MACROD2: variants seen among roughly 807,000 people sequenced by gnomAD.
MACROD2 encodes mono-ADP ribosylhydrolase 2, also known as ADP-ribose glycohydrolase MACROD2.
MACROD2 carries 36 observed loss-of-function variants against 70.4 expected under a neutral mutation model. The ratio of observed to expected loss-of-function variants is 0.51; its 90% confidence interval spans 0.39 to 0.68. The LOEUF is 0.68. MACROD2 is among the 30% of genes least tolerant of loss of function. The probability of loss-of-function intolerance (pLI) is 0.00; values close to 1 mark genes in which losing one functional copy is unlikely to be tolerated. For synonymous variants in MACROD2, 172 were observed against 178.8 expected (o/e 0.96, Z 0.30); for missense variants, 496 against 538.4 (o/e 0.92, Z 0.78).
chr20:15,681,415 C>T (rs923071471), intron 8 of MACROD2, among the ~76,000 whole-genome samples: 2 of 152,216 alleles, frequency 1.3e-5, no homozygotes, highest in Non-Finnish European at 2.9e-5. Context: ...CACCCCCATC[C>T]TGCTGAAGTC....
chr20:15,317,299 T>C (rs2077821581), intron 6 of MACROD2, among the ~76,000 whole-genome samples: 1 of 152,052 alleles, frequency 6.6e-6, no homozygotes, highest in Non-Finnish European at 1.5e-5. Context: ...AATGGTGATA[T>C]TTCTATAGAC....
chr20:14,466,564 C>G (rs1228946796), intron 3 of MACROD2, among the ~76,000 whole-genome samples: 1 of 152,226 alleles, frequency 6.6e-6, no homozygotes, highest in East Asian at 1.9e-4. Flanking sequence ...CAGCTTTGTT[C>G]CATTGCTGGT....
intron 17 of MACROD2, among the ~76,000 whole-genome samples, chr20:16,048,522 T>C (rs778292373): frequency 6.6e-6 from 1 of 152,162 alleles, no homozygotes; most frequent in Non-Finnish European, 1.5e-5. Context: ...GGCTGTGTAT[T>C]TGATTGATAC....
intron 15 of MACROD2, among the ~76,000 whole-genome samples, chr20:15,999,673 A>C (rs948399760): frequency 6.6e-6 from 1 of 152,242 alleles, no homozygotes; most frequent in Non-Finnish European, 1.5e-5. Context: ...GGATAAATAC[A>C]TACAATTGTA....
chr20:14,979,494 G>T (rs1178211408), intron 5 of MACROD2, among the ~76,000 whole-genome samples: 1 of 152,130 alleles, frequency 6.6e-6, no homozygotes, highest in Non-Finnish European at 1.5e-5. Flanking sequence ...ATTCTCTCAA[G>T]ATGAACAATA....
intron 3 of MACROD2, among the ~76,000 whole-genome samples, chr20:14,134,404 C>T (rs1474093155): frequency 3.9e-5 from 6 of 152,202 alleles, no homozygotes; most frequent in African/African-American, 1.4e-4. Context: ...TATTATTTCA[C>T]TGAGAGATAT....
rs537312197 is a variant in MACROD2, at chr20:14,684,893, C to T, written c.352C>T (p.Arg118Cys). Residue 118 changes from arginine (R) to cysteine (C), a missense_variant, in exon 5 of 18, where the codon CGT (arginine) becomes TGT (cysteine). Physicochemically the swap from Arg to Cys is radical, Grantham distance 180 (BLOSUM62 -3). Coordinates refer to ENST00000684519, the MANE Select transcript of MACROD2 (RefSeq NM_001351661.2). ...AAGPCLLAEC[R>C]NLNGCDTGHA... is the part of the protein sequence containing the mutation. ...CGGCCCCTGTTTGCTAGCTGAATGT[C>T]GTAACCTGAATGGCTGTGATACTGG... is the stretch of plus-strand genomic sequence containing the variant. 43 of 1,613,970 alleles carry T rather than the reference C, an allele frequency of 2.7e-5. No individual in the cohort carries two copies. The East Asian group carries it at 6.0e-4, about 23-fold the overall frequency.
chr20:14,474,887 C>T (rs888975120), intron 3 of MACROD2, among the ~76,000 whole-genome samples: 1 of 152,054 alleles, frequency 6.6e-6, no homozygotes, highest in African/African-American at 2.4e-5. Context: ...TTCTTGTAGG[C>T]AGCATGTATT....
chr20:15,617,367 G>C (rs2049053813), intron 8 of MACROD2, among the ~76,000 whole-genome samples: 1 of 152,146 alleles, frequency 6.6e-6, no homozygotes, highest in Non-Finnish European at 1.5e-5. Flanking sequence ...GATAGCCAAG[G>C]AGGATTTATA....
chr20:15,568,727 A>G (rs966518778), intron 8 of MACROD2, among the ~76,000 whole-genome samples: 2 of 152,184 alleles, frequency 1.3e-5, no homozygotes, highest in African/African-American at 4.8e-5. Flanking sequence ...GTGCTCCTAC[A>G]ATGATGTTTT....
intron 8 of MACROD2, among the ~76,000 whole-genome samples, chr20:15,576,305 A>G (rs918987764): frequency 4.0e-5 from 6 of 151,382 alleles, no homozygotes; most frequent in East Asian, 1.9e-4. Context: ...AGTTCTGGCA[A>G]CTCCTGATGG....
chr20:14,174,883 C>T (rs1404096880), intron 3 of MACROD2, among the ~76,000 whole-genome samples: 1 of 152,174 alleles, frequency 6.6e-6, no homozygotes, highest in Non-Finnish European at 1.5e-5. Flanking sequence ...CGTTGTATTT[C>T]ACTCAGTTCT....
chr20:14,702,569 ATATATGTG>A (rs1370740045), intron 5 of MACROD2, among the ~76,000 whole-genome samples: 50 of 40,924 alleles, frequency 1.2e-3, no homozygotes, highest in Non-Finnish European at 1.9e-3. Context: ...ATATATACAC[ATATATGTG>A]TATATATATG....
chr20:14,269,963 A>T (rs756958848), intron 3 of MACROD2, among the ~76,000 whole-genome samples: 3 of 152,134 alleles, frequency 2.0e-5, no homozygotes, highest in Admixed American at 2.0e-4. Flanking sequence ...GGGATATTAT[A>T]TAAGCTTTTT....
At chr20:14,375,022 T>C (rs1818139623) in intron 3 of MACROD2, among the ~76,000 whole-genome samples, 1 of 152,158 alleles carries the variant, frequency 6.6e-6, no homozygotes, top group African/African-American at 2.4e-5. Context: ...AGCCTAGGAC[T>C]CTTTATAAAG....
At chr20:14,522,399 C>T (rs996037638) in intron 4 of MACROD2, among the ~76,000 whole-genome samples, 1 of 152,112 alleles carries the variant, frequency 6.6e-6, no homozygotes, top group African/African-American at 2.4e-5. Context: ...GCTGAAGAGA[C>T]ATTTTCTAGA....
At chr20:15,620,029 G>A (rs2049102516) in intron 8 of MACROD2, among the ~76,000 whole-genome samples, 1 of 152,086 alleles carries the variant, frequency 6.6e-6, no homozygotes, top group Non-Finnish European at 1.5e-5. Context: ...CAGGGAGGCT[G>A]GTAGGAGACT....
chr20:15,680,102 G>A (rs758465425), intron 8 of MACROD2, among the ~76,000 whole-genome samples: 14 of 152,166 alleles, frequency 9.2e-5, no homozygotes, highest in Non-Finnish European at 1.8e-4. Context: ...TAACTGGCAT[G>A]CTATTCCCTG....
chr20:15,247,824 A>G (rs1244881813), intron 6 of MACROD2, among the ~76,000 whole-genome samples: 1 of 152,004 alleles, frequency 6.6e-6, no homozygotes, highest in East Asian at 1.9e-4. Context: ...CAGCCTCCCA[A>G]GTAGCTGGGA....
Sources: gnomAD v4.1 joint callset for allele counts (sites outside exome capture counted in the v4.1 genomes callset) on GRCh38, gnomAD v4.1.1 for gene constraint, MANE v1.5 for transcripts, NCBI Gene and HGNC (gene_info 2026-07-23, HGNC 2026-07-21) for gene names.